The following SEL1L2 variants were observed in gnomAD, a reference collection of about 807,000 sequenced individuals.
SEL1L2 encodes the protein protein sel-1 homolog 2.
In SEL1L2, 89 loss-of-function variants were observed where a neutral mutation model predicts 98.8. The ratio of observed to expected loss-of-function variants is 0.90; its 90% confidence interval spans 0.76 to 1.07. The LOEUF (loss-of-function observed/expected upper bound fraction) is 1.07. SEL1L2 is among the 50% of genes least tolerant of loss of function. The pLI, the probability that SEL1L2 is intolerant of heterozygous loss-of-function variation, is 0.00. For missense variants in SEL1L2, 788 were observed against 812.0 expected, an observed-to-expected ratio of 0.97 and a Z score of 0.36; for synonymous variants, 262 against 278.5, an observed-to-expected ratio of 0.94 and a Z score of 0.59.
At chr20:13,994,278 A>G (rs2052588827), upstream of SEL1L2, among the ~76,000 whole-genome samples, 1 of 147,474 alleles carries the variant, frequency 6.8e-6, no homozygotes, top group African/African-American at 2.5e-5. Context: ...CTGGGGGACA[A>G]GAGTGAAACT....
chr20:13,980,980 C>T (rs1277675005), intron 1 of SEL1L2, among the ~76,000 whole-genome samples: 3 of 152,148 alleles, frequency 2.0e-5, no homozygotes, highest in Non-Finnish European at 1.5e-5. Flanking sequence ...CGGTGGCTTA[C>T]GCCTGTAATC....
In SEL1L2 at chr20:13,939,040, G is replaced by GTTTTTTTTTTTT. The variant is rs386365633; in HGVS notation, c.115-7281_115-7270dup. 1.8e-4 allele frequency among the ~76,000 whole-genome samples: 20 copies of GTTTTTTTTTTTT among 114,086 alleles called. 1 individual carries two copies. Among genetic ancestry groups the GTTTTTTTTTTTT allele is most frequent in the African/African-American group, 6.2e-4 (18 of 28,894 alleles). The allele number at this position is 114,086 out of a possible 152,430, so 74.8% of individuals were successfully genotyped here. On this transcript the variant is annotated intron_variant, in intron 2 of 19. Transcript: ENST00000284951. ...TCTTTTTGGTTTGTTTGCTTGTTTT[G>GTTTTTTTTTTTT]TTTTTTTTTTTTTTTTTTTCTGAGA...
At chr20:13,875,255 C>A (rs1163032267) in intron 12 of SEL1L2, among the ~76,000 whole-genome samples, 4 of 152,106 alleles carry the variant, frequency 2.6e-5, no homozygotes, top group Admixed American at 2.6e-4. Context: ...CAGGTATGTG[C>A]CAGCATGCCA....
chr20:13,913,735 A>G (rs1371745083), intron 5 of SEL1L2, 47 bp downstream of exon 5: 3 of 1,441,644 alleles, frequency 2.1e-6, no homozygotes, highest in African/African-American at 1.5e-5. Context: ...GTCTATAGTT[A>G]TTTCAGGATG....
chr20:13,935,091 T>C (rs2049388738), intron 2 of SEL1L2, among the ~76,000 whole-genome samples: 1 of 152,248 alleles, frequency 6.6e-6, no homozygotes, highest in Non-Finnish European at 1.5e-5. Context: ...CTGATGTTTC[T>C]ACTGGCTTCT....
chr20:13,859,302 TTGAACA>T lies in SEL1L2; in HGVS notation c.1772_1777del (p.Met591_Phe592del). ...GCCGTGTTCATACATATAAGCCAGA[TTGAACA>T]TGGCTTGCGCGTTGTGGTATTTGTT... is the stretch of plus-strand genomic sequence containing the variant. On this transcript the variant is annotated inframe_deletion, in exon 18 of 20. Transcript: ENST00000284951. 1 of 1,614,172 alleles carries T rather than the reference TTGAACA, an allele frequency of 6.2e-7. No individual in the cohort carries two copies.
At chr20:13,869,642 A>C in intron 13 of SEL1L2, 52 bp from the exon 14 acceptor site, 5 of 1,386,260 alleles carry the variant, frequency 3.6e-6, no homozygotes, top group Non-Finnish European at 5.1e-6. Flanking sequence ...AACTCCATGG[A>C]AACAATTGCC....
At chr20:13,963,599 C>A (rs2148478442) in intron 1 of SEL1L2, among the ~76,000 whole-genome samples, 1 of 151,890 alleles carries the variant, frequency 6.6e-6, no homozygotes, top group East Asian at 1.9e-4. Context: ...GCTTGTAGTC[C>A]CAGCTATTCG....
At chr20:13,852,889 G>A (rs189616280) in intron 18 of SEL1L2, among the ~76,000 whole-genome samples, 64 of 152,240 alleles carry the variant, frequency 4.2e-4, no homozygotes, top group Non-Finnish European at 3.1e-4. Context: ...GACAGAGCAT[G>A]TGAATGGGAA....
intron 1 of SEL1L2, chr20:13,973,359 A>G (rs1351051312): frequency 6.6e-6 from 1 of 152,226 alleles, no homozygotes; most frequent in Non-Finnish European, 1.5e-5. Context: ...ACCCTTGTGC[A>G]AGGGCCATGC....
intron 3 of SEL1L2, among the ~76,000 whole-genome samples, chr20:13,925,827 G>C (rs2048867700): frequency 6.6e-6 from 1 of 152,172 alleles, no homozygotes; most frequent in South Asian, 2.1e-4. Flanking sequence ...TGTAGCAAGA[G>C]GATTTTCCTA....
chr20:13,897,941 AAC>A (rs557227250), intron 5 of SEL1L2, among the ~76,000 whole-genome samples: 13 of 149,942 alleles, frequency 8.7e-5, no homozygotes, highest in Non-Finnish European at 1.0e-4. Flanking sequence ...GGCCACTATA[AAC>A]ACACACACAC....
chr20:13,995,077 T>C (rs2052609523), upstream of SEL1L2: 1 of 153,308 alleles, frequency 6.5e-6, no homozygotes. This position sits in a 1 kb window ranked among gnomAD's most constrained non-coding sequence, Gnocchi z 4.3. Flanking sequence ...CAATTCGTGT[T>C]GACCCTCGGT....
Position 13,913,897 on chromosome 20 carries a change from G to A in SEL1L2, c.434C>T (p.Ala145Val). 1 of 1,564,210 alleles carries A rather than the reference G, an allele frequency of 6.4e-7. No homozygotes were observed. The highest frequency in any genetic ancestry group is 8.6e-7 in the Non-Finnish European group (1 of 1,162,990). ...AKAADMGNLKAMEKMADALLF... is the reference protein window; with the variant it reads ...AKAADMGNLKVMEKMADALLF... ...CAAAGCGTCAGCCATTTTCTCCATA[G>A]CTTTCAAGTTTCCCATGTCAGCTGC... Residue 145 changes from alanine (A) to valine (V), a missense_variant, in exon 5 of 20, where the codon GCT becomes GTT. Transcript: ENST00000284951.
At chr20:13,858,697 G>T (rs930990456) in intron 18 of SEL1L2, among the ~76,000 whole-genome samples, 1 of 152,170 alleles carries the variant, frequency 6.6e-6, no homozygotes, top group Non-Finnish European at 1.5e-5. Context: ...TTGCAGTGCT[G>T]GCTGTTTTTC....
chr20:13,908,268 C>A (rs902741178), intron 5 of SEL1L2, among the ~76,000 whole-genome samples: 1 of 151,722 alleles, frequency 6.6e-6, no homozygotes, highest in Non-Finnish European at 1.5e-5. Context: ...CAGGCATGCA[C>A]CATCATGCTC....
At chr20:13,945,535 T>C (rs1229311858) in intron 2 of SEL1L2, among the ~76,000 whole-genome samples, 3 of 151,758 alleles carry the variant, frequency 2.0e-5, no homozygotes, top group African/African-American at 7.2e-5. Context: ...GACTTTGAAT[T>C]CTGCCTCACA....
At chr20:13,915,260 G>T (rs930493750) in intron 4 of SEL1L2, 28 of 1,286,946 alleles carry the variant, frequency 2.2e-5, no homozygotes, top group Non-Finnish European at 2.7e-5. Flanking sequence ...CAAAACACAG[G>T]GTGAGTACTC....
At chr20:13,883,551 C>T (rs778740549) in intron 10 of SEL1L2, among the ~76,000 whole-genome samples, 18 of 152,174 alleles carry the variant, frequency 1.2e-4, no homozygotes, top group Non-Finnish European at 8.8e-5. Flanking sequence ...ATTTGTAAAA[C>T]AGATGTAATA....
Sources: allele counts gnomAD v4.1 joint callset (sites outside exome capture counted in the v4.1 genomes callset), GRCh38; gene constraint gnomAD v4.1.1; non-coding constraint Gnocchi (gnomAD v3.1); transcripts MANE v1.5; gene names NCBI Gene and HGNC (gene_info 2026-07-23, HGNC 2026-07-21).